The following GLT8D2 variants were observed in gnomAD, a reference collection of about 807,000 sequenced individuals.
The protein encoded by GLT8D2 is glycosyltransferase 8 domain-containing protein 2.
Under a neutral mutation model 44.5 loss-of-function variants are expected in GLT8D2, and 45 were observed. The ratio of observed to expected loss-of-function variants is 1.01; its 90% CI spans 0.80 to 1.30. The LOEUF is 1.30. Ranked by LOEUF, GLT8D2 falls within the 50% of genes most tolerant of loss-of-function variation. GLT8D2 has a pLI of 0.00. For synonymous variants in GLT8D2, 156 were observed against 157.2 expected, an observed-to-expected ratio of 0.99 and a Z score of 0.06; for missense variants, 400 against 430.4, an observed-to-expected ratio of 0.93 and a Z score of 0.62.
chr12:103,993,622 G>T, intron 9 of GLT8D2, 118 bp from the exon 10 acceptor site: 1 of 640,940 alleles, frequency 1.6e-6, no homozygotes, highest in Non-Finnish European at 2.6e-6. Flanking sequence ...AAGACTTATG[G>T]CCTTTCATTC....
At chr12:104,025,330 T>A (rs565736638) in intron 1 of GLT8D2, among the ~76,000 whole-genome samples, 1 of 152,066 alleles carries the variant, frequency 6.6e-6, no homozygotes, top group South Asian at 2.1e-4. Context: ...TACCTCAGCC[T>A]CCCAAGCAGC....
chr12:104,017,539 T>C (rs1482089913), intron 3 of GLT8D2, among the ~76,000 whole-genome samples: 1 of 152,208 alleles, frequency 6.6e-6, no homozygotes, highest in African/African-American at 2.4e-5. Flanking sequence ...GCCAGGCTGA[T>C]CTTGAACTTC....
chr12:104,024,188 C>G (rs1257912400), intron 1 of GLT8D2, among the ~76,000 whole-genome samples: 1 of 152,064 alleles, frequency 6.6e-6, no homozygotes, highest in Non-Finnish European at 1.5e-5. Context: ...TCGAGACCAG[C>G]CCTGGCAACA....
chr12:104,014,474 G>T, intron 4 of GLT8D2: 1 of 573,744 alleles, frequency 1.7e-6, no homozygotes, highest in Non-Finnish European at 3.1e-6. Flanking sequence ...CACCCCCGAG[G>T]AGGGAAACAT....
At chr12:104,013,235 C>G (rs1439098431) in intron 4 of GLT8D2, among the ~76,000 whole-genome samples, 2 of 152,224 alleles carry the variant, frequency 1.3e-5, no homozygotes, top group African/African-American at 4.8e-5. Flanking sequence ...TAGGCAACCA[C>G]TGATCTGCTC....
At chr12:104,034,909 T>G (rs1233115572) in intron 1 of GLT8D2, among the ~76,000 whole-genome samples, 1 of 152,148 alleles carries the variant, frequency 6.6e-6, no homozygotes, top group African/African-American at 2.4e-5. Flanking sequence ...TGATACATCA[T>G]ACAGGTGGGT....
Position 104,017,923 on chromosome 12 carries a change from A to G in GLT8D2, c.19+1707T>C, listed in dbSNP as rs12581921. Reference sequence around the variant, plus strand: ...AGTTAACCAAGGCAATGCAGGCCCAATAAAGACTTTACAAATGGTTATGCA... The same window carrying G: ...AGTTAACCAAGGCAATGCAGGCCCAGTAAAGACTTTACAAATGGTTATGCA... On this transcript the variant is annotated intron_variant, in intron 3 of 10. Coordinates refer to ENST00000360814, the MANE Select transcript of GLT8D2 (RefSeq NM_001384711.1). Among the ~76,000 whole-genome samples the G allele has an allele frequency of 0.019, 2,921 of 152,286 alleles. 250 individuals carry two copies. The East Asian group carries it at 0.29, about 15-fold the overall frequency.
chr12:104,052,797 C>A (rs1476059637), upstream of GLT8D2, among the ~76,000 whole-genome samples: 2 of 151,838 alleles, frequency 1.3e-5, no homozygotes, highest in Non-Finnish European at 2.9e-5. Flanking sequence ...AGAGACGTGT[C>A]TTGCTATGTT....
chr12:104,039,475 AG>A (rs1212834684), intron 1 of GLT8D2, among the ~76,000 whole-genome samples: 2 of 152,262 alleles, frequency 1.3e-5, no homozygotes, highest in Admixed American at 6.5e-5. Context: ...CCCATCAAAA[AG>A]TGGGCGAAGG....
chr12:104,008,471 TG>T (rs1485692872), intron 4 of GLT8D2, among the ~76,000 whole-genome samples: 1 of 152,128 alleles, frequency 6.6e-6, no homozygotes, highest in East Asian at 1.9e-4. Context: ...AGAGGTGGCT[TG>T]GGTGCTGTTA....
chr12:104,007,734 G>C (rs571215684), intron 4 of GLT8D2, among the ~76,000 whole-genome samples: 10 of 152,286 alleles, frequency 6.6e-5, no homozygotes, highest in Admixed American at 2.6e-4. Context: ...GTATGGCTCT[G>C]TGTCCTCACC....
At position 103,994,441 on chromosome 12, in the gene GLT8D2, G is replaced by A; in HGVS notation, c.661C>T (p.Pro221Ser). The change falls in exon 9 of 11, where the codon CCC (proline) becomes TCC (serine). Residue 221 changes from proline to serine, a missense_variant. Pro to Ser is a moderately conservative substitution (Grantham distance 74). Transcript: ENST00000360814. Reference protein sequence around the residue: ...KKAIKDLGISPSTCSFNPGVI... With the variant: ...KKAIKDLGISSSTCSFNPGVI... ...CCAGGATTGAAAGAGCAGGTGCTGG[G>A]GCTGATGCCAAGGTCCTTGATGGCC... 4.3e-6 allele frequency: 7 copies of A among 1,614,070 alleles called. No homozygotes were observed. Among genetic ancestry groups the A allele is most frequent in the Non-Finnish European group, 5.9e-6 (7 of 1,179,966 alleles).
intron 7 of GLT8D2, among the ~76,000 whole-genome samples, chr12:103,997,240 G>A (rs1213116701): frequency 2.6e-5 from 4 of 152,182 alleles, no homozygotes; most frequent in Non-Finnish European, 2.9e-5. Context: ...ATTTATTGCT[G>A]GTTTTGACAA....
chr12:103,995,736 C>T (rs1360074895), intron 8 of GLT8D2, among the ~76,000 whole-genome samples: 1 of 152,206 alleles, frequency 6.6e-6, no homozygotes, highest in Non-Finnish European at 1.5e-5. Context: ...CAGGGCAGGA[C>T]ATACACATTC....
chr12:104,021,789 G>C (rs1329165955), intron 1 of GLT8D2, among the ~76,000 whole-genome samples: 7 of 137,392 alleles, frequency 5.1e-5, no homozygotes, highest in Non-Finnish European at 9.5e-5. Flanking sequence ...TTTTAAAAAA[G>C]AAAAAGAAAG....
chr12:104,012,855 C>T (rs1268685531), intron 4 of GLT8D2: 3 of 693,322 alleles, frequency 4.3e-6, no homozygotes, highest in Non-Finnish European at 7.9e-6. Context: ...AGGAGAATCA[C>T]ACAGAGGGTC....
At chr12:104,010,919 A>T (rs1352162217) in intron 4 of GLT8D2, among the ~76,000 whole-genome samples, 3 of 152,224 alleles carry the variant, frequency 2.0e-5, no homozygotes, top group Non-Finnish European at 4.4e-5. Flanking sequence ...AGTCAGACGG[A>T]GGCCTTCAGC....
intron 1 of GLT8D2, among the ~76,000 whole-genome samples, chr12:104,021,924 GAAGAAGAAGAAGAAGAAGAAGAAGAAGAA>G (rs1877777228): frequency 7.3e-5 from 2 of 27,264 alleles, no homozygotes; most frequent in African/African-American, 3.0e-4. Context: ...AGAAGAAGAA[GAAGAAGAAGAAGAAGAAGAAGAAGAAGAA>G]GAGGAAGAAG....
intron 1 of GLT8D2, among the ~76,000 whole-genome samples, chr12:104,028,043 T>C (rs2136417043): frequency 6.6e-6 from 1 of 152,348 alleles, no homozygotes; most frequent in East Asian, 1.9e-4. Flanking sequence ...CTGATTCATC[T>C]GAACAGGGGG....
Sources: allele counts gnomAD v4.1 joint callset (sites outside exome capture counted in the v4.1 genomes callset), GRCh38; gene constraint gnomAD v4.1.1; transcripts MANE v1.5; gene names NCBI Gene and HGNC (gene_info 2026-07-23, HGNC 2026-07-21).